ADAMTSL1: variants seen among roughly 807,000 people sequenced by gnomAD.
ADAMTSL1 encodes the protein ADAMTS-like protein 1.
In ADAMTSL1, 126 loss-of-function variants were observed where a neutral mutation model predicts 201.8. The observed-to-expected ratio is 0.62, with a 90% CI of 0.54 to 0.72. The LOEUF (loss-of-function observed/expected upper bound fraction) is 0.72. Among genes scored for constraint, ADAMTSL1 ranks in the 30% least tolerant of loss-of-function variants. The pLI is 0.00. For synonymous variants in ADAMTSL1, 1,121 were observed against 903.4 expected, an observed-to-expected ratio of 1.24 and a Z score of -4.32; for missense variants, 2,679 against 2,277.8, an observed-to-expected ratio of 1.18 and a Z score of -3.59.
intron 2 of ADAMTSL1, among the ~76,000 whole-genome samples, chr9:18,372,303 G>C (rs1214189591): frequency 6.6e-6 from 1 of 152,182 alleles, no homozygotes; most frequent in African/African-American, 2.4e-5. Context: ...AGAGGCCTGG[G>C]GAAGGATACG....
intron 1 of ADAMTSL1, among the ~76,000 whole-genome samples, chr9:17,967,179 A>T (rs1818008399): frequency 6.6e-6 from 1 of 152,142 alleles, no homozygotes; most frequent in African/African-American, 2.4e-5. Flanking sequence ...TAGGAAATAA[A>T]CAAATACCCG....
At chr9:18,454,357 G>C (rs547483964) in intron 2 of ADAMTSL1, among the ~76,000 whole-genome samples, 1 of 152,094 alleles carries the variant, frequency 6.6e-6, no homozygotes, top group Non-Finnish European at 1.5e-5. Flanking sequence ...GACCCTAGCC[G>C]ATTGGATGGT....
intron 16 of ADAMTSL1, among the ~76,000 whole-genome samples, chr9:18,762,877 AC>A (rs1820154713): frequency 6.6e-6 from 1 of 152,208 alleles, no homozygotes; most frequent in Admixed American, 6.5e-5. Flanking sequence ...TATGTGTACC[AC>A]ATTTTCTTTA....
chr9:18,749,017 G>A (rs1029814456), intron 15 of ADAMTSL1, among the ~76,000 whole-genome samples: 3 of 152,102 alleles, frequency 2.0e-5, no homozygotes, highest in Non-Finnish European at 4.4e-5. Context: ...TGGCTCTGTC[G>A]TCGCATGGCA....
At chr9:18,837,577 G>C (rs768687666) in intron 23 of ADAMTSL1, among the ~76,000 whole-genome samples, 2 of 152,174 alleles carry the variant, frequency 1.3e-5, no homozygotes, top group Non-Finnish European at 2.9e-5. Context: ...TCTTTTAAGT[G>C]GTTCTTCCCC....
At chr9:18,132,462 T>C (rs1334383131) in intron 1 of ADAMTSL1, among the ~76,000 whole-genome samples, 1 of 152,132 alleles carries the variant, frequency 6.6e-6, no homozygotes, top group African/African-American at 2.4e-5. Flanking sequence ...CTACTCTTAA[T>C]TGTTAAATAT....
intron 15 of ADAMTSL1, among the ~76,000 whole-genome samples, chr9:18,744,736 G>A (rs1397150174): frequency 6.6e-6 from 1 of 152,208 alleles, no homozygotes; most frequent in African/African-American, 2.4e-5. Context: ...GGGTGGCAGA[G>A]CACAATTCAT....
In ADAMTSL1 at chr9:18,885,722, C is replaced by T. The variant is rs1028394980; in HGVS notation, c.4250-2109C>T. Among the ~76,000 whole-genome samples, 6 of 152,188 alleles carry T rather than the reference C, an allele frequency of 3.9e-5. No homozygotes were observed. The East Asian group carries it at 9.7e-4, about 25-fold the overall frequency. On this transcript the variant is annotated intron_variant, in intron 23 of 28. Transcript: ENST00000380548. ...CTTCCAAATAGTCTGCTCCTACCCT[C>T]TCACTACTACCTCAGGAAAAACAAA...
chr9:18,865,795 C>G (rs1448489213), intron 23 of ADAMTSL1, among the ~76,000 whole-genome samples: 2 of 152,102 alleles, frequency 1.3e-5, no homozygotes, highest in Non-Finnish European at 2.9e-5. Flanking sequence ...GCAGCCTTGC[C>G]AAGTGCTGCG....
chr9:17,985,426 A>C (rs1161270395), intron 1 of ADAMTSL1, among the ~76,000 whole-genome samples: 1 of 152,150 alleles, frequency 6.6e-6, no homozygotes, highest in Non-Finnish European at 1.5e-5. Flanking sequence ...TAACACATAA[A>C]ATTTAAATAG....
chr9:18,759,436 T>C (rs934473), intron 16 of ADAMTSL1, among the ~76,000 whole-genome samples: 51,416 of 152,038 alleles, frequency 0.34, 9,330 homozygotes, highest in South Asian at 0.42. Context: ...GAGAACTGAA[T>C]TCTGGCAGAG....
chr9:18,764,239 T>A (rs766289221), intron 16 of ADAMTSL1, among the ~76,000 whole-genome samples: 3 of 152,236 alleles, frequency 2.0e-5, no homozygotes, highest in Non-Finnish European at 2.9e-5. Context: ...TATTTAAATT[T>A]TGTGTGTAGA....
chr9:18,298,642 C>G (rs952058518), intron 2 of ADAMTSL1, among the ~76,000 whole-genome samples: 2 of 149,654 alleles, frequency 1.3e-5, no homozygotes, highest in Non-Finnish European at 3.0e-5. Flanking sequence ...CCCTATAAAG[C>G]AAGCACTCTC....
chr9:18,589,372 A>G (rs1823759760), intron 4 of ADAMTSL1, among the ~76,000 whole-genome samples: 1 of 152,092 alleles, frequency 6.6e-6, no homozygotes, highest in Admixed American at 6.6e-5. Context: ...TTATTTTTCA[A>G]ATTGATCACT....
chr9:17,922,201 C>G (rs2131295332), intron 1 of ADAMTSL1, among the ~76,000 whole-genome samples: 2 of 151,406 alleles, frequency 1.3e-5, no homozygotes, highest in Middle Eastern at 3.4e-3. Context: ...CTGGGATGAT[C>G]TCTAAGTGGA....
chr9:18,892,594 C>G lies in ADAMTSL1; in HGVS notation c.4849C>G (p.Gln1617Glu). 2 of 1,557,534 alleles carry G rather than the reference C, an allele frequency of 1.3e-6. No homozygotes were observed. The highest frequency in any genetic ancestry group is 1.7e-6 in the Non-Finnish European group (2 of 1,150,426). The change falls in exon 26 of 29, where the codon CAG becomes GAG. Residue 1617 changes from glutamine to glutamate, a missense_variant and splice_region_variant. Transcript: ENST00000380548. ...GGAGTGGGCCTTCTCCAGCTGGGGCCAGGTGAGGAGCCAGAGAGGTTGTTA... is the reference window on the plus strand; with the variant it reads ...GGAGTGGGCCTTCTCCAGCTGGGGCGAGGTGAGGAGCCAGAGAGGTTGTTA... The part of the protein sequence containing the change: ...CVEWAFSSWG[Q>E]CNGPCIGPHL...
chr9:18,630,007 G>A (rs770116397), intron 5 of ADAMTSL1, among the ~76,000 whole-genome samples: 17 of 151,618 alleles, frequency 1.1e-4, no homozygotes, highest in South Asian at 2.1e-4. Context: ...GTTTCTTTGC[G>A]TGCCTCATTA....
chr9:18,790,691 T>C (rs1821979338), intron 19 of ADAMTSL1, among the ~76,000 whole-genome samples: 1 of 152,200 alleles, frequency 6.6e-6, no homozygotes, highest in Non-Finnish European at 1.5e-5. Flanking sequence ...CCTTAATTTG[T>C]AGCATGCTTG....
rs370265719 is a variant in ADAMTSL1, at chr9:18,399,602, C to T, written c.208-105227C>T. ...CTGACCTCAAGTGATCTACCCGCCT[C>T]GGCCTCTGAAAGTGCTGGGATTACA... On this transcript the variant is annotated intron_variant, in intron 2 of 29. Coordinates refer to the ADAMTSL1 transcript ENST00000680146. Among the ~76,000 whole-genome samples the T allele has an allele frequency of 8.6e-5, 13 of 151,818 alleles. No homozygotes were observed. In the South Asian group the frequency reaches 2.5e-3, roughly 29 times the overall value.
Sources: allele counts gnomAD v4.1 joint callset (sites outside exome capture counted in the v4.1 genomes callset), GRCh38; gene constraint gnomAD v4.1.1; transcripts MANE v1.5; gene names NCBI Gene and HGNC (gene_info 2026-07-23, HGNC 2026-07-21).